The following MAST4 variants were observed in gnomAD, a reference collection of about 807,000 sequenced individuals.
The protein encoded by MAST4 is microtubule-associated serine/threonine-protein kinase 4.
Under a neutral mutation model 162.7 loss-of-function variants are expected in MAST4, and 89 were observed. That is an observed-to-expected ratio of 0.55 (90% CI 0.46 to 0.65). The LOEUF is 0.65. Ranked by LOEUF, MAST4 falls within the 30% of genes least tolerant of loss-of-function variation. The pLI is 0.00. For synonymous variants in MAST4, 1,479 were observed against 1,361.1 expected (o/e 1.09, Z -1.91); for missense variants, 3,153 against 3,374.0 (o/e 0.93, Z 1.62).
chr5:66,642,279 A>G (rs1745537703), intron 1 of MAST4, among the ~76,000 whole-genome samples: 1 of 152,224 alleles, frequency 6.6e-6, no homozygotes, highest in South Asian at 2.1e-4. Context: ...ACCAGGGGAA[A>G]CTGTGCATAG....
chr5:67,070,156 G>C (rs1760774868), intron 5 of MAST4, among the ~76,000 whole-genome samples: 1 of 152,054 alleles, frequency 6.6e-6, no homozygotes, highest in Non-Finnish European at 1.5e-5. Flanking sequence ...AGGAAATGTG[G>C]GTTATCATTT....
At chr5:67,056,018 G>A (rs1345418586) in intron 5 of MAST4, among the ~76,000 whole-genome samples, 1 of 136,064 alleles carries the variant, frequency 7.3e-6, no homozygotes, top group Non-Finnish European at 1.6e-5. Flanking sequence ...ATATATATAT[G>A]TACATGATAT....
chr5:66,789,452 C>G (rs1222476631), intron 3 of MAST4, among the ~76,000 whole-genome samples: 2 of 152,102 alleles, frequency 1.3e-5, no homozygotes, highest in South Asian at 2.1e-4. Flanking sequence ...CTCTTTAGTC[C>G]CCTTTAATCT....
At chr5:67,077,899 A>G (rs913505828) in intron 5 of MAST4, among the ~76,000 whole-genome samples, 2 of 152,190 alleles carry the variant, frequency 1.3e-5, no homozygotes, top group African/African-American at 4.8e-5. Context: ...CAGGAGTTTG[A>G]GACCAGCCTG....
intron 3 of MAST4, among the ~76,000 whole-genome samples, chr5:66,845,085 TTATATA>T (rs752796951): frequency 0.043 from 2,479 of 57,922 alleles, 84 homozygotes; most frequent in Middle Eastern, 0.056. Flanking sequence ...TCACTAATCT[TTATATA>T]TATATATATA....
At chr5:66,835,228 A>G (rs258081) in intron 3 of MAST4, among the ~76,000 whole-genome samples, 124,106 of 152,094 alleles carry the variant, frequency 0.82, 50,777 homozygotes, top group Non-Finnish European at 0.85. Context: ...AGGCCCACAT[A>G]ATAAATTAGC....
At chr5:66,904,399 A>G (rs1025366875) in intron 4 of MAST4, among the ~76,000 whole-genome samples, 14 of 152,216 alleles carry the variant, frequency 9.2e-5, no homozygotes, top group Non-Finnish European at 1.8e-4. Context: ...AAATAGGCTC[A>G]GGCTAGCTCC....
At chr5:67,081,107 A>G (rs1399707383) in intron 5 of MAST4, among the ~76,000 whole-genome samples, 1 of 134,022 alleles carries the variant, frequency 7.5e-6, no homozygotes, top group Non-Finnish European at 1.5e-5. Flanking sequence ...AATTGTATAT[A>G]TTATATATTT....
At chr5:67,009,460 C>G (rs1013464140) in intron 4 of MAST4, among the ~76,000 whole-genome samples, 2 of 152,090 alleles carry the variant, frequency 1.3e-5, no homozygotes, top group African/African-American at 4.8e-5. Flanking sequence ...TTCTGAAGCC[C>G]ATTTACCTGG....
At chr5:66,983,961 T>A (rs1193647681) in intron 4 of MAST4, among the ~76,000 whole-genome samples, 1 of 152,206 alleles carries the variant, frequency 6.6e-6, no homozygotes, top group Non-Finnish European at 1.5e-5. Context: ...GAGGAGGCAC[T>A]GTATTCATTC....
At chr5:66,749,780 T>A (rs898134004) in intron 1 of MAST4, among the ~76,000 whole-genome samples, 10 of 152,236 alleles carry the variant, frequency 6.6e-5, no homozygotes, top group African/African-American at 2.4e-4. Flanking sequence ...TAGTTAAATA[T>A]CTTAATTAGG....
chr5:66,866,871 T>C (rs1028535614), intron 3 of MAST4, among the ~76,000 whole-genome samples: 2 of 152,238 alleles, frequency 1.3e-5, no homozygotes, highest in Non-Finnish European at 2.9e-5. Flanking sequence ...TGCCTCAGCC[T>C]CTCGAGTAGC....
chr5:66,627,311 G>A (rs1489408089), intron 1 of MAST4, among the ~76,000 whole-genome samples: 13 of 152,144 alleles, frequency 8.5e-5, no homozygotes, highest in Admixed American at 7.2e-4. Context: ...CTCCCACCAG[G>A]TCCTTCCCAT....
intron 12 of MAST4, among the ~76,000 whole-genome samples, chr5:67,115,396 G>C (rs1315759037): frequency 1.3e-5 from 2 of 152,326 alleles, no homozygotes; most frequent in Non-Finnish European, 1.5e-5. Flanking sequence ...CAGGGAACCT[G>C]CTGCTCTCTG....
chr5:66,866,420 G>A (rs1037349259), intron 3 of MAST4, among the ~76,000 whole-genome samples: 3 of 152,038 alleles, frequency 2.0e-5, no homozygotes, highest in Non-Finnish European at 2.9e-5. Flanking sequence ...ACTTCTAAAC[G>A]GCACATTTCT....
chr5:67,085,247 A>G (rs904841388), intron 5 of MAST4, among the ~76,000 whole-genome samples: 2 of 152,260 alleles, frequency 1.3e-5, no homozygotes, highest in South Asian at 4.2e-4. Flanking sequence ...ATTTTTCAGC[A>G]AATCCCGTTG....
chr5:66,861,432 T>C (rs1760110484), intron 3 of MAST4, among the ~76,000 whole-genome samples: 1 of 152,162 alleles, frequency 6.6e-6, no homozygotes. Flanking sequence ...CCTATGGAGG[T>C]AGCTGTTATT....
At chr5:66,886,010 T>A (rs1030262785) in intron 3 of MAST4, among the ~76,000 whole-genome samples, 1 of 152,174 alleles carries the variant, frequency 6.6e-6, no homozygotes, top group African/African-American at 2.4e-5. Flanking sequence ...ATCTACAATA[T>A]CCAGCGATGC....
In MAST4 at chr5:67,006,496, C is replaced by T. The variant is rs117979724; in HGVS notation, c.675-47908C>T. Among the ~76,000 whole-genome samples, 68 of 152,282 alleles carry T rather than the reference C, an allele frequency of 4.5e-4. No individual in the cohort carries two copies. In the East Asian group the frequency reaches 0.011, roughly 25 times the overall value. ...GCCACTGCTCAACATGGTGATAATT[C>T]GTATGATTTCTTACCATTTCAGCTG... On this transcript the variant is annotated intron_variant, in intron 4 of 28. Coordinates refer to ENST00000403625, the MANE Select transcript of MAST4 (RefSeq NM_001164664.2).
Sources: gnomAD v4.1 joint callset for allele counts (sites outside exome capture counted in the v4.1 genomes callset) on GRCh38, gnomAD v4.1.1 for gene constraint, MANE v1.5 for transcripts, NCBI Gene and HGNC (gene_info 2026-07-23, HGNC 2026-07-21) for gene names.